The following PTPRM variants were observed in gnomAD, a reference collection of about 807,000 sequenced individuals.
PTPRM encodes receptor-type tyrosine-protein phosphatase mu.
Under a neutral mutation model 186.7 loss-of-function variants are expected in PTPRM, and 47 were observed. That is an observed-to-expected ratio of 0.25 (90% CI 0.20 to 0.32). PTPRM has a LOEUF of 0.32. Among genes scored for constraint, PTPRM ranks in the 10% least tolerant of loss-of-function variants. PTPRM has a pLI of 1.00. For missense variants in PTPRM, 1,494 were observed against 1,865.0 expected (o/e 0.80, Z 3.66); for synonymous variants, 668 against 674.9 (o/e 0.99, Z 0.16).
intron 7 of PTPRM, among the ~76,000 whole-genome samples, chr18:8,017,470 C>T (rs999291841): frequency 6.6e-6 from 1 of 151,086 alleles, no homozygotes; most frequent in Non-Finnish European, 1.5e-5. Context: ...GTAATCCCAC[C>T]TACTCAGGAG....
chr18:7,574,883 T>C (rs1304396128), intron 1 of PTPRM, among the ~76,000 whole-genome samples: 1 of 151,998 alleles, frequency 6.6e-6, no homozygotes, highest in Non-Finnish European at 1.5e-5. Flanking sequence ...TACAAAAAAA[T>C]TAGCCGGGCG....
At chr18:8,005,814 T>G (rs2147812666) in intron 7 of PTPRM, among the ~76,000 whole-genome samples, 1 of 152,314 alleles carries the variant, frequency 6.6e-6, no homozygotes, top group East Asian at 1.9e-4. Context: ...AAATATTGCC[T>G]CAATCTGTCT....
At chr18:8,403,508 C>T (rs959113767) in intron 32 of PTPRM, 10 of 151,948 alleles carry the variant, frequency 6.6e-5, no homozygotes, top group Admixed American at 3.3e-4. Flanking sequence ...GGATGAATAC[C>T]CTAGGAGCCC....
intron 2 of PTPRM, among the ~76,000 whole-genome samples, chr18:7,867,389 C>T (rs1394395496): frequency 1.3e-5 from 2 of 152,102 alleles, no homozygotes; most frequent in Non-Finnish European, 2.9e-5. Context: ...GTATTGCAGG[C>T]CTGGTGGTAA....
chr18:8,033,350 A>C (rs1013059895), intron 7 of PTPRM, among the ~76,000 whole-genome samples: 24 of 152,172 alleles, frequency 1.6e-4, no homozygotes, highest in African/African-American at 5.1e-4. Context: ...ATGACTATAC[A>C]CTATATGTAT....
chr18:7,739,693 T>C (rs1000468721), intron 1 of PTPRM, among the ~76,000 whole-genome samples: 6 of 151,962 alleles, frequency 3.9e-5, no homozygotes, highest in African/African-American at 1.5e-4. Context: ...TTCTGCTCAT[T>C]ACCGTCTTAT....
At chr18:8,338,850 C>A (rs1208016836) in intron 22 of PTPRM, among the ~76,000 whole-genome samples, 1 of 152,196 alleles carries the variant, frequency 6.6e-6, no homozygotes, top group Non-Finnish European at 1.5e-5. Context: ...GGGACCTTGA[C>A]TTCTCAGCAG....
intron 1 of PTPRM, among the ~76,000 whole-genome samples, chr18:7,628,492 AT>A (rs1462787312): frequency 6.6e-6 from 1 of 152,186 alleles, no homozygotes; most frequent in Non-Finnish European, 1.5e-5. Context: ...GTCTTTTGCC[AT>A]TTTTCTTAAA....
chr18:7,879,003 AG>A (rs2048370502), intron 2 of PTPRM, among the ~76,000 whole-genome samples: 1 of 152,220 alleles, frequency 6.6e-6, no homozygotes, highest in African/African-American at 2.4e-5. Context: ...GTCATCAGAT[AG>A]TTAAAAGGTT....
At chr18:7,636,886 G>T (rs1459457575) in intron 1 of PTPRM, among the ~76,000 whole-genome samples, 1 of 152,130 alleles carries the variant, frequency 6.6e-6, no homozygotes, top group South Asian at 2.1e-4. Flanking sequence ...GTGTAATTCA[G>T]GCTGGGTGTG....
At chr18:7,778,909 A>G (rs2042721652) in intron 2 of PTPRM, among the ~76,000 whole-genome samples, 1 of 152,210 alleles carries the variant, frequency 6.6e-6, no homozygotes, top group South Asian at 2.1e-4. Context: ...AGCACATTCT[A>G]TAATTATCAC....
chr18:7,656,935 C>T (rs1164594278), intron 1 of PTPRM, among the ~76,000 whole-genome samples: 1 of 152,048 alleles, frequency 6.6e-6, no homozygotes, highest in Non-Finnish European at 1.5e-5. Context: ...CCAGTTCTTT[C>T]CCCCTTTCAC....
chr18:8,242,811 A>G (rs985967163), intron 14 of PTPRM, among the ~76,000 whole-genome samples: 4 of 152,226 alleles, frequency 2.6e-5, no homozygotes, highest in Admixed American at 2.0e-4. Context: ...TCAGTGCCTT[A>G]CATTGCATTA....
intron 2 of PTPRM, among the ~76,000 whole-genome samples, chr18:7,821,417 G>T (rs1292518318): frequency 6.7e-6 from 1 of 149,802 alleles, no homozygotes; most frequent in African/African-American, 2.5e-5. Flanking sequence ...ATGTAAAGTA[G>T]CCCTTTTTTT....
intron 11 of PTPRM, among the ~76,000 whole-genome samples, chr18:8,091,781 G>A (rs1162758873): frequency 6.6e-6 from 1 of 152,060 alleles, no homozygotes; most frequent in Non-Finnish European, 1.5e-5. Flanking sequence ...TTCATGTAAT[G>A]TTTAGACAAA....
intron 7 of PTPRM, among the ~76,000 whole-genome samples, chr18:7,964,907 G>A (rs965562467): frequency 6.6e-6 from 1 of 152,006 alleles, no homozygotes; most frequent in Non-Finnish European, 1.5e-5. Context: ...TAGAATAACT[G>A]CAAATACTTC....
intron 23 of PTPRM, chr18:8,364,891 G>C (rs141946976): frequency 2.0e-5 from 3 of 152,154 alleles, no homozygotes; most frequent in Non-Finnish European, 2.9e-5. Flanking sequence ...GTACTCATGC[G>C]CATGCACATA....
In PTPRM at chr18:8,244,113, G is replaced by A. The variant is rs1311822360; in HGVS notation, c.2356G>A (p.Val786Met). The A allele has an allele frequency of 6.2e-7, 1 of 1,609,402 alleles. No individual in the cohort carries two copies. The highest frequency in any genetic ancestry group is 1.3e-5 in the African/African-American group (1 of 74,588). Residue 786 changes from valine to methionine, a missense_variant, in exon 15 of 33, where the codon GTG becomes ATG. Coordinates refer to ENST00000580170, the MANE Select transcript of PTPRM (RefSeq NM_001105244.2). Reference protein sequence around the residue: ...TMSSTRQEMTVMVNSMDKSYA... With the variant: ...TMSSTRQEMTMMVNSMDKSYA... ...GAGCAGCACCCGACAGGAGATGACT[G>A]TGATGGTGAACTCAATGGACAAGAG... is the stretch of plus-strand genomic sequence containing the variant.
chr18:8,260,025 C>G (rs1034167357), intron 19 of PTPRM, among the ~76,000 whole-genome samples: 3 of 152,060 alleles, frequency 2.0e-5, no homozygotes, highest in Admixed American at 2.0e-4. Flanking sequence ...AACAGAATAC[C>G]TGGGGCTCGG....
Sources: allele counts gnomAD v4.1 joint callset (sites outside exome capture counted in the v4.1 genomes callset), GRCh38; gene constraint gnomAD v4.1.1; transcripts MANE v1.5; gene names NCBI Gene and HGNC (gene_info 2026-07-23, HGNC 2026-07-21).